CCDC192: variants seen among roughly 807,000 people sequenced by gnomAD.
CCDC192 encodes the protein coiled-coil domain containing 192.
chr5:127,786,025 G>A (rs1756518399), intron 3 of CCDC192: 2 of 611,444 alleles, frequency 3.3e-6, no homozygotes, highest in South Asian at 3.6e-5. Flanking sequence ...ATGAATCTGT[G>A]TCTCCAGCAG....
At chr5:127,826,798 AT>A (rs1334103998) in intron 5 of CCDC192, among the ~76,000 whole-genome samples, 13 of 151,936 alleles carry the variant, frequency 8.6e-5, no homozygotes, top group African/African-American at 2.7e-4. Context: ...GTTGAAAAAA[AT>A]AATAATAAAA....
chr5:127,733,570 G>T (rs892827916), intron 2 of CCDC192, among the ~76,000 whole-genome samples: 5 of 152,136 alleles, frequency 3.3e-5, no homozygotes, highest in Non-Finnish European at 5.9e-5. Flanking sequence ...AGAGGGGAAA[G>T]AATTATTGGA....
rs555919397 is a variant in CCDC192, at chr5:127,779,444, C to T, written c.223-17659C>T. On this transcript the variant is annotated intron_variant, in intron 3 of 6. Coordinates refer to ENST00000514853, the MANE Select transcript of CCDC192 (RefSeq NM_001317938.2). ...CCAAGTAGCTGGGACTACAGGTGCC[C>T]GCCACCACGCCTGGCTAATTTATTG... Among the ~76,000 whole-genome samples the T allele has an allele frequency of 1.1e-4, 17 of 151,956 alleles. No homozygotes were observed. In the South Asian group the frequency reaches 1.2e-3, roughly 11 times the overall value.
chr5:127,860,560 C>T (rs1751313125), intron 5 of CCDC192, among the ~76,000 whole-genome samples: 1 of 152,090 alleles, frequency 6.6e-6, no homozygotes. Flanking sequence ...TAGGTTTTCT[C>T]CCACTTACTC....
At chr5:127,897,537 CACTTTT>C (rs1328800578) in intron 6 of CCDC192, among the ~76,000 whole-genome samples, 3 of 152,086 alleles carry the variant, frequency 2.0e-5, no homozygotes, top group Non-Finnish European at 4.4e-5. Context: ...GTAACCAGGC[CACTTTT>C]AGAGGAAGAA....
At chr5:127,712,818 T>A (rs1751414421) in intron 2 of CCDC192, among the ~76,000 whole-genome samples, 1 of 152,186 alleles carries the variant, frequency 6.6e-6, no homozygotes, top group Non-Finnish European at 1.5e-5. Flanking sequence ...TTTTAACTTT[T>A]GAAAAACCTG....
At chr5:127,830,483 T>C (rs1422080827) in intron 5 of CCDC192, among the ~76,000 whole-genome samples, 1 of 152,234 alleles carries the variant, frequency 6.6e-6, no homozygotes, top group African/African-American at 2.4e-5. Flanking sequence ...TGCTGCGTCC[T>C]TATATGATCT....
At position 127,752,425 on chromosome 5, in the gene CCDC192, G is replaced by A. The variant is rs553411870; in HGVS notation, c.115-1843G>A. On this transcript the variant is annotated intron_variant, in intron 2 of 6. Transcript: ENST00000514853. ...AGGGTGCCTCCCAGTTAGGCTGCTC[G>A]GGGGTCAGGGGTCAGGGACCCACTT... 6.0e-4 allele frequency among the ~76,000 whole-genome samples: 92 copies of A among 152,274 alleles called. 1 individual carries two copies. The South Asian group carries it at 0.011, about 17-fold the overall frequency.
At chr5:127,910,441 G>GT (rs1214752904) in intron 6 of CCDC192, among the ~76,000 whole-genome samples, 1 of 152,192 alleles carries the variant, frequency 6.6e-6, no homozygotes, top group East Asian at 1.9e-4. Flanking sequence ...CTGTGGGTTA[G>GT]TGCATCCATC....
At chr5:127,920,772 G>T (rs1753688882) in intron 6 of CCDC192, among the ~76,000 whole-genome samples, 3 of 152,106 alleles carry the variant, frequency 2.0e-5, no homozygotes, top group Middle Eastern at 3.4e-3. Flanking sequence ...TTTAAGAAAG[G>T]ACTGGCGGCT....
chr5:127,720,566 C>T (rs564370080), intron 2 of CCDC192, among the ~76,000 whole-genome samples: 1 of 152,338 alleles, frequency 6.6e-6, no homozygotes, highest in African/African-American at 2.4e-5. Flanking sequence ...TGTCTTCAAA[C>T]AGCTCCACTA....
intron 5 of CCDC192, among the ~76,000 whole-genome samples, chr5:127,801,457 C>A (rs911867891): frequency 1.3e-5 from 2 of 151,996 alleles, no homozygotes; most frequent in Admixed American, 1.3e-4. Flanking sequence ...GTCCCTGCCC[C>A]TCATCTTCTC....
chr5:127,796,692 T>C (rs1248356555), intron 3 of CCDC192, among the ~76,000 whole-genome samples: 1 of 152,164 alleles, frequency 6.6e-6, no homozygotes, highest in Non-Finnish European at 1.5e-5. Flanking sequence ...GAACTCCCAC[T>C]CTTTCTAGAT....
chr5:127,721,334 C>T (rs1016034567), intron 2 of CCDC192, among the ~76,000 whole-genome samples: 3 of 152,236 alleles, frequency 2.0e-5, no homozygotes, highest in Non-Finnish European at 2.9e-5. Context: ...CAACATTCTA[C>T]ATATTCCCAG....
intron 6 of CCDC192, among the ~76,000 whole-genome samples, chr5:127,902,091 T>C (rs980126788): frequency 2.0e-5 from 3 of 152,038 alleles, no homozygotes; most frequent in Non-Finnish European, 4.4e-5. Context: ...GCCAACATGG[T>C]GAAACCCTGT....
intron 6 of CCDC192, among the ~76,000 whole-genome samples, chr5:127,911,908 A>T (rs245158): frequency 0.69 from 104,648 of 151,156 alleles, 36,333 homozygotes; most frequent in African/African-American, 0.75. Context: ...CTTTACTCAC[A>T]TATCTCCCAC....
chr5:127,716,083 A>G (rs1209275371), intron 2 of CCDC192, among the ~76,000 whole-genome samples: 2 of 151,932 alleles, frequency 1.3e-5, no homozygotes, highest in Non-Finnish European at 2.9e-5. Context: ...ATTTGTTGAG[A>G]GTTTTTATCA....
At chr5:127,710,053 A>T (rs756853043) in intron 2 of CCDC192, among the ~76,000 whole-genome samples, 3 of 152,176 alleles carry the variant, frequency 2.0e-5, no homozygotes, top group Non-Finnish European at 4.4e-5. Context: ...GGAGTTCAGA[A>T]TCCATCCCCT....
intron 3 of CCDC192, among the ~76,000 whole-genome samples, chr5:127,763,202 T>A (rs1162632658): frequency 6.6e-6 from 1 of 152,172 alleles, no homozygotes. Context: ...CACAGACAAC[T>A]CAAGCTCTCC....
Sources: allele counts gnomAD v4.1 joint callset (sites outside exome capture counted in the v4.1 genomes callset), GRCh38; gene constraint gnomAD v4.1.1; transcripts MANE v1.5; gene names NCBI Gene and HGNC (gene_info 2026-07-23, HGNC 2026-07-21).